Variants in ANKRD27 observed in about 807,000 individuals in gnomAD.
ANKRD27 encodes the protein ankyrin repeat domain-containing protein 27.
Under a neutral mutation model 129.7 loss-of-function variants are expected in ANKRD27, and 112 were observed. That is an observed-to-expected ratio of 0.86 (90% CI 0.74 to 1.01). ANKRD27 has a LOEUF of 1.01. ANKRD27 is among the 50% of genes least tolerant of loss of function. ANKRD27 has a pLI of 0.00. For synonymous variants in ANKRD27, 516 were observed against 511.2 expected, an observed-to-expected ratio of 1.01 and a Z score of -0.13; for missense variants, 1,258 against 1,300.5, an observed-to-expected ratio of 0.97 and a Z score of 0.50.
At chr19:32,662,492 C>T (rs259261) in intron 1 of ANKRD27, among the ~76,000 whole-genome samples, 113,408 of 151,748 alleles carry the variant, frequency 0.75, 42,558 homozygotes, top group African/African-American at 0.81. Context: ...ATCCCAGCAC[C>T]TTGGGAGGCC....
intron 1 of ANKRD27, among the ~76,000 whole-genome samples, chr19:32,667,378 AT>A (rs975889412): frequency 2.0e-5 from 3 of 151,980 alleles, no homozygotes; most frequent in Admixed American, 6.6e-5. Context: ...TTTCTGTTTT[AT>A]TTTTGTTTAC....
At chr19:32,673,144 G>T (rs549788078) in intron 1 of ANKRD27, 2 of 206,456 alleles carry the variant, frequency 9.7e-6, no homozygotes, top group East Asian at 1.9e-4. Context: ...CCTAACCCCC[G>T]GCCCTCTGCA....
intron 20 of ANKRD27, among the ~76,000 whole-genome samples, chr19:32,618,648 G>A (rs1230422390): frequency 2.0e-5 from 3 of 152,072 alleles, no homozygotes; most frequent in African/African-American, 7.2e-5. Flanking sequence ...GTCACGGCTT[G>A]TGGGTAGTGG....
intron 15 of ANKRD27, among the ~76,000 whole-genome samples, chr19:32,627,095 C>T (rs926726523): frequency 2.0e-5 from 3 of 152,136 alleles, no homozygotes; most frequent in Non-Finnish European, 2.9e-5. Flanking sequence ...CTTCCACAGG[C>T]TCCATGACTC....
chr19:32,617,284 C>A (rs1437230651), intron 21 of ANKRD27, among the ~76,000 whole-genome samples: 4 of 152,264 alleles, frequency 2.6e-5, no homozygotes, highest in Non-Finnish European at 4.4e-5. Flanking sequence ...TGGCTCACAC[C>A]TGTAATCCAA....
chr19:32,616,548 CAAA>C (rs5827811), intron 21 of ANKRD27, among the ~76,000 whole-genome samples: 1 of 93,178 alleles, frequency 1.1e-5, no homozygotes. Flanking sequence ...GACTCCGTCT[CAAA>C]AAAAAAAAAA....
rs769322499 is a variant in ANKRD27 at position 32,639,443 on chromosome 19, C to G, written c.1029G>C (p.Leu343Phe). Residue 343 changes from leucine to phenylalanine, a missense_variant, in exon 12 of 29, where the codon TTG (leucine) becomes TTC (phenylalanine). By Grantham distance (22) the Leu-to-Phe change is conservative (BLOSUM62 0). Coordinates refer to ENST00000306065, the MANE Select transcript of ANKRD27 (RefSeq NM_032139.3). ...GGCAGTATCCCAGTTCATCCTTTGC[C>G]AAGCTGCTAAACCTGAAGTTTTTGA... ...SYIKNFRFSS[L>F]AKDELGYCLT... The G allele has an allele frequency of 1.2e-6, 2 of 1,614,114 alleles. No individual in the cohort carries two copies. The highest frequency in any genetic ancestry group is 1.7e-5 in the Admixed American group (1 of 60,004).
At chr19:32,601,611 C>CA (rs386388881) in intron 26 of ANKRD27, among the ~76,000 whole-genome samples, 2,362 of 64,486 alleles carry the variant, frequency 0.037, 98 homozygotes, top group South Asian at 0.094. Context: ...GACTCTGTCT[C>CA]AAAAAAAAAA....
rs534957795 is a variant in ANKRD27, at chr19:32,618,322, T to G, written c.2008-689A>C. Among the ~76,000 whole-genome samples the G allele has an allele frequency of 1.2e-3, 182 of 151,624 alleles. 1 individual carries two copies. The highest frequency in any genetic ancestry group is 4.0e-3 in the African/African-American group (166 of 41,344). The stretch of plus-strand genomic sequence containing the variant: ...TATGATTTAGAAAAATACACTTAGC[T>G]AAGTGCAGTGGCTCGGCCTGTAATC... On this transcript the variant is annotated intron_variant, in intron 20 of 28. Coordinates refer to ENST00000306065, the MANE Select transcript of ANKRD27 (RefSeq NM_032139.3).
intron 2 of ANKRD27, among the ~76,000 whole-genome samples, chr19:32,657,587 C>A (rs1191725840): frequency 6.6e-6 from 1 of 151,062 alleles, no homozygotes; most frequent in Non-Finnish European, 1.5e-5. Flanking sequence ...TGCGCCACTG[C>A]ACTCCAGCCT....
intron 12 of ANKRD27, among the ~76,000 whole-genome samples, chr19:32,634,383 C>A (rs572871987): frequency 2.6e-5 from 4 of 152,228 alleles, no homozygotes; most frequent in Non-Finnish European, 5.9e-5. Flanking sequence ...TCTCTCAATA[C>A]CTGCAGGGTG....
chr19:32,600,542 A>C lies in ANKRD27; in HGVS notation c.2768-492T>G, dbSNP rs191419740. On this transcript the variant is annotated intron_variant, in intron 26 of 28. Coordinates refer to ENST00000306065, the MANE Select transcript of ANKRD27 (RefSeq NM_032139.3). ...GGCGACAGAGCAAGACTCCATCTCA[A>C]AAAAAAGCTACAAAATCCGAGACAT... Among the ~76,000 whole-genome samples the C allele has an allele frequency of 3.7e-4, 57 of 152,262 alleles. 2 individuals are homozygous for C. In the East Asian group the frequency reaches 0.01, roughly 28 times the overall value.
chr19:32,632,412 C>A (rs953680070), intron 12 of ANKRD27, among the ~76,000 whole-genome samples: 15 of 151,752 alleles, frequency 9.9e-5, no homozygotes, highest in Non-Finnish European at 2.9e-5. Context: ...ATGGTGAAAC[C>A]CCTCTCTACT....
intron 3 of ANKRD27, among the ~76,000 whole-genome samples, chr19:32,648,572 G>C (rs1017772507): frequency 6.6e-6 from 1 of 152,170 alleles, no homozygotes; most frequent in Non-Finnish European, 1.5e-5. Flanking sequence ...AGGCCGAGGC[G>C]GGTGGATCAT....
At chr19:32,605,563 C>T (rs113712952) in intron 24 of ANKRD27, among the ~76,000 whole-genome samples, 5 of 152,206 alleles carry the variant, frequency 3.3e-5, no homozygotes, top group Non-Finnish European at 7.3e-5. Flanking sequence ...CAGGTAACAG[C>T]GTGACACATT....
chr19:32,607,978 G>T, intron 22 of ANKRD27, 146 bp from the exon 23 acceptor site: 1 of 827,226 alleles, frequency 1.2e-6, no homozygotes, highest in Non-Finnish European at 1.9e-6. Context: ...TTGTTTAGAA[G>T]TATGTGGCAT....
At chr19:32,605,808 A>G (rs945568348) in intron 24 of ANKRD27, 27 bp downstream of exon 24, 10 of 1,611,078 alleles carry the variant, frequency 6.2e-6, no homozygotes, top group Non-Finnish European at 8.5e-6. Context: ...GCAGGTGTGT[A>G]GAATGAGGAC....
intron 3 of ANKRD27, 49 bp downstream of exon 3, chr19:32,649,633 C>A (rs371712916): frequency 2.6e-5 from 34 of 1,306,420 alleles, no homozygotes; most frequent in African/African-American, 8.7e-5. Flanking sequence ...CCCCTCTGGC[C>A]CCAAACACCG....
intron 2 of ANKRD27, 59 bp downstream of exon 2, chr19:32,658,855 C>G (rs1967592876): frequency 4.4e-6 from 6 of 1,362,546 alleles, no homozygotes; most frequent in Middle Eastern, 1.8e-4. Flanking sequence ...GAGCCTTAGT[C>G]TACCACGTCT....
Sources: gnomAD v4.1 joint callset for allele counts (sites outside exome capture counted in the v4.1 genomes callset) on GRCh38, gnomAD v4.1.1 for gene constraint, MANE v1.5 for transcripts, NCBI Gene and HGNC (gene_info 2026-07-23, HGNC 2026-07-21) for gene names.